FBLN5: variants seen among roughly 807,000 people sequenced by gnomAD.
The protein encoded by FBLN5 is fibulin 5, also known as fibulin-5.
In FBLN5, 24 loss-of-function variants were observed where a neutral mutation model predicts 61.6. The ratio of observed to expected loss-of-function variants is 0.39; its 90% CI spans 0.28 to 0.55. The LOEUF (loss-of-function observed/expected upper bound fraction) is 0.55, where lower values mean the gene tolerates loss of function less well. Ranked by LOEUF, FBLN5 falls within the 20% of genes least tolerant of loss-of-function variation. FBLN5 has a pLI of 0.65. For synonymous variants in FBLN5, 213 were observed against 219.8 expected (o/e 0.97, Z 0.27); for missense variants, 470 against 594.1 (o/e 0.79, Z 2.17).
At chr14:91,942,797 G>C (rs1258422854) in intron 2 of FBLN5, 110 bp downstream of exon 2, 1 of 729,830 alleles carries the variant, frequency 1.4e-6, no homozygotes, top group African/African-American at 1.7e-5. Context: ...GAGGTCAACT[G>C]TAAAGCCACT....
chr14:91,906,179 G>C lies in FBLN5; in HGVS notation c.380-11107C>G, dbSNP rs570210411. Among the ~76,000 whole-genome samples the C allele has an allele frequency of 3.5e-3, 530 of 152,304 alleles. 3 individuals are homozygous for C. Among genetic ancestry groups the C allele is most frequent in the African/African-American group, 0.012 (506 of 41,562 alleles). On this transcript the variant is annotated intron_variant, in intron 4 of 10. Coordinates refer to ENST00000342058, the MANE Select transcript of FBLN5 (RefSeq NM_006329.4). ...TGGGATTATAGGCATGACCATGCCCGACTGAGAATATGAACTTTTTGGTTA... is the reference window on the plus strand; with the variant it reads ...TGGGATTATAGGCATGACCATGCCCCACTGAGAATATGAACTTTTTGGTTA...
intron 4 of FBLN5, among the ~76,000 whole-genome samples, chr14:91,933,424 A>C (rs954551194): frequency 2.0e-5 from 3 of 151,940 alleles, no homozygotes; most frequent in African/African-American, 7.3e-5. Context: ...ACAGGTGCAT[A>C]CCACCACACC....
At chr14:91,926,352 G>A (rs1424808409) in intron 4 of FBLN5, among the ~76,000 whole-genome samples, 3 of 152,204 alleles carry the variant, frequency 2.0e-5, no homozygotes, top group Non-Finnish European at 1.5e-5. Context: ...GGTCAGCCCA[G>A]TACCACCAGC....
chr14:91,889,353 C>T (rs898075521), intron 6 of FBLN5, among the ~76,000 whole-genome samples: 10 of 152,314 alleles, frequency 6.6e-5, no homozygotes, highest in East Asian at 1.9e-4. Context: ...AAGAGCAGGG[C>T]GACCAAAATG....
Position 91,877,596 on chromosome 14 carries a change from C to T in FBLN5, c.1076G>A (p.Arg359His), listed in dbSNP as rs768049734. ...LYRDMDVVSG[R>H]SVPADIFQMQ... is the part of the protein sequence containing the mutation. ...TTGGAAGATGTCAGCGGGAACGGAGCGTCCTGACACCACGTCCATGTCCCG... is the reference window on the plus strand; with the variant it reads ...TTGGAAGATGTCAGCGGGAACGGAGTGTCCTGACACCACGTCCATGTCCCG... Residue 359 changes from arginine (R) to histidine (H), a missense_variant, in exon 10 of 11, where the codon CGC becomes CAC. By Grantham distance (29) the Arg-to-His change is conservative. Transcript: ENST00000342058. The T allele has an allele frequency of 5.0e-6, 8 of 1,613,836 alleles. No individual in the cohort carries two copies. The highest frequency in any genetic ancestry group is 2.2e-5 in the South Asian group (2 of 91,076).
intron 1 of FBLN5, among the ~76,000 whole-genome samples, chr14:91,946,535 C>T (rs1047470391): frequency 1.3e-5 from 2 of 152,146 alleles, no homozygotes; most frequent in Non-Finnish European, 2.9e-5. Context: ...CACACACACA[C>T]ACACACCCCA....
intron 4 of FBLN5, among the ~76,000 whole-genome samples, chr14:91,909,467 AGT>A (rs1890828427): frequency 6.6e-6 from 1 of 152,210 alleles, no homozygotes; most frequent in African/African-American, 2.4e-5. Flanking sequence ...ACTGAAATTC[AGT>A]TGCCACTGTG....
rs138828678 is a variant in FBLN5, at chr14:91,896,655, C to G, written c.380-1583G>C. Among the ~76,000 whole-genome samples, 647 of 152,254 alleles carry G rather than the reference C, an allele frequency of 4.2e-3. 4 individuals are homozygous for G. Among genetic ancestry groups the G allele is most frequent in the African/African-American group, 0.015 (603 of 41,534 alleles). On this transcript the variant is annotated intron_variant, in intron 4 of 10. Coordinates refer to ENST00000342058, the MANE Select transcript of FBLN5 (RefSeq NM_006329.4). ...GCTGAGTCCAGGCCTCCCTGCCTGC[C>G]TGACTCTAAGTCTACTCCGTGCAGG...
intron 2 of FBLN5, among the ~76,000 whole-genome samples, chr14:91,942,407 C>T (rs949313849): frequency 5.3e-5 from 8 of 152,360 alleles, no homozygotes; most frequent in African/African-American, 1.4e-4. Flanking sequence ...CACATGCAGA[C>T]CCGTGGGGGT....
intron 7 of FBLN5, among the ~76,000 whole-genome samples, chr14:91,884,033 A>G (rs1889610728): frequency 6.6e-6 from 1 of 152,228 alleles, no homozygotes; most frequent in Admixed American, 6.5e-5. Context: ...ACTTGCTTTC[A>G]CTAGTTTCCC....
chr14:91,923,381 C>T (rs771923412), intron 4 of FBLN5, among the ~76,000 whole-genome samples: 1 of 152,204 alleles, frequency 6.6e-6, no homozygotes, highest in African/African-American at 2.4e-5. Context: ...CCTTCTAAGC[C>T]TCATCTCTTA....
chr14:91,897,275 G>A (rs529823604), intron 4 of FBLN5, among the ~76,000 whole-genome samples: 7 of 152,222 alleles, frequency 4.6e-5, no homozygotes, highest in African/African-American at 7.2e-5. Flanking sequence ...TCTGCCCACC[G>A]AGCACAGCCT....
intron 4 of FBLN5, among the ~76,000 whole-genome samples, chr14:91,924,104 T>G (rs2055786771): frequency 6.6e-6 from 1 of 152,234 alleles, no homozygotes; most frequent in Admixed American, 6.5e-5. Context: ...GCTAAGCATG[T>G]GGGAGTTATT....
chr14:91,877,550 G>A lies in FBLN5; in HGVS notation c.1122C>T (p.Tyr374=), dbSNP rs145515678. Residue 374 remains tyrosine, a synonymous_variant, in exon 10 of 11, where the codon TAC becomes TAT. Coordinates refer to ENST00000342058, the MANE Select transcript of FBLN5 (RefSeq NM_006329.4). ...TCTGGAAAATGTAATAGGCCCCAGG[G>A]TAGCGGGTCGTGGCTTGCATTTGGA... ...DIFQMQATTR[Y]PGAYYIFQIK... The A allele has an allele frequency of 0.02, 33,005 of 1,614,022 alleles. 465 individuals carry two copies. The highest frequency in any genetic ancestry group is 0.024 in the Non-Finnish European group (28,373 of 1,179,878).
At chr14:91,932,971 A>C (rs1315503714) in intron 4 of FBLN5, among the ~76,000 whole-genome samples, 1 of 152,242 alleles carries the variant, frequency 6.6e-6, no homozygotes, top group Non-Finnish European at 1.5e-5. Context: ...TCAGCTTGTC[A>C]TCCCTCTGGG....
At chr14:91,898,729 G>C (rs1323262959) in intron 4 of FBLN5, among the ~76,000 whole-genome samples, 1 of 150,198 alleles carries the variant, frequency 6.7e-6, no homozygotes, top group African/African-American at 2.5e-5. Flanking sequence ...AGTCCCCTAA[G>C]AGAAAAGAAT....
At chr14:91,940,070 G>A in intron 3 of FBLN5, 1 of 415,574 alleles carries the variant, frequency 2.4e-6, no homozygotes, top group South Asian at 1.8e-5. Context: ...GGTAGGAATT[G>A]CCCTCCACTG....
Position 91,947,061 on chromosome 14 carries a change from T to C in FBLN5, c.17+152A>G, listed in dbSNP as rs2056196314. 5 of 1,539,292 alleles carry C rather than the reference T, an allele frequency of 3.2e-6. No individual in the cohort carries two copies. The highest frequency in any genetic ancestry group is 4.4e-6 in the Non-Finnish European group (5 of 1,138,674). Reference sequence around the variant, plus strand: ...ATGGAAATTACAGAGGCGCAGCTTTTTATAATTAACAATATCATTGCATCA... The same window carrying C: ...ATGGAAATTACAGAGGCGCAGCTTTCTATAATTAACAATATCATTGCATCA... On this transcript the variant is annotated intron_variant, in intron 1 of 10. Coordinates refer to ENST00000342058, the MANE Select transcript of FBLN5 (RefSeq NM_006329.4). The surrounding 1 kb of genome is among the most constrained non-coding windows in gnomAD (Gnocchi z 4.3).
intron 4 of FBLN5, among the ~76,000 whole-genome samples, chr14:91,920,177 A>G (rs919010401): frequency 2.6e-5 from 4 of 152,092 alleles, no homozygotes; most frequent in Non-Finnish European, 5.9e-5. Context: ...TGTTGTCTTA[A>G]TGACTCTATT....
Sources: gnomAD v4.1 joint callset for allele counts (sites outside exome capture counted in the v4.1 genomes callset) on GRCh38, gnomAD v4.1.1 for gene constraint, Gnocchi (gnomAD v3.1) non-coding constraint, MANE v1.5 for transcripts, NCBI Gene and HGNC (gene_info 2026-07-23, HGNC 2026-07-21) for gene names.